ZHX2: variants seen among roughly 807,000 people sequenced by gnomAD.
ZHX2 encodes zinc fingers and homeoboxes 2.
ZHX2 carries 6 observed loss-of-function variants against 21.9 expected under a neutral mutation model. That is an observed-to-expected ratio of 0.27 (90% confidence interval 0.15 to 0.54). ZHX2 has a LOEUF of 0.54. Among genes scored for constraint, ZHX2 ranks in the 20% least tolerant of loss-of-function variants. The probability of loss-of-function intolerance (pLI) is 0.95; values close to 1 mark genes in which losing one functional copy is unlikely to be tolerated. For missense variants in ZHX2, 908 were observed against 1,090.7 expected (o/e 0.83, Z 2.36); for synonymous variants, 434 against 437.1 (o/e 0.99, Z 0.09).
At position 122,919,003 on chromosome 8, in the gene ZHX2, A is replaced by T. The variant is rs79378803; in HGVS notation, c.-219-32289A>T. Among the ~76,000 whole-genome samples the T allele has an allele frequency of 2.6e-5, 4 of 152,010 alleles. 1 individual carries two copies. Among genetic ancestry groups the T allele is most frequent in the Admixed American group, 2.6e-4 (4 of 15,268 alleles). On this transcript the variant is annotated intron_variant, in intron 2 of 3. Coordinates refer to ENST00000314393, the MANE Select transcript of ZHX2 (RefSeq NM_014943.5). ...ACAGGAGACAGGCCATAGTTTGCCA[A>T]CCCCTGTCCCAAACTGTTCTCCCAC...
intron 2 of ZHX2, among the ~76,000 whole-genome samples, chr8:122,904,075 C>T (rs997426298): frequency 6.6e-6 from 1 of 152,066 alleles, no homozygotes. Context: ...TGTTTCTTTT[C>T]TTTGTTTGGC....
intron 1 of ZHX2, among the ~76,000 whole-genome samples, chr8:122,819,083 G>A (rs916477557): frequency 1.3e-5 from 2 of 152,218 alleles, no homozygotes; most frequent in Non-Finnish European, 2.9e-5. Flanking sequence ...GCCTCCATCT[G>A]CAAGGAGCTG....
intron 2 of ZHX2, among the ~76,000 whole-genome samples, chr8:122,934,072 A>C (rs1047769784): frequency 6.6e-6 from 1 of 152,196 alleles, no homozygotes; most frequent in Non-Finnish European, 1.5e-5. Flanking sequence ...CATTTATTGC[A>C]CGTTTGCAGG....
In ZHX2 at chr8:122,782,709, G is replaced by C. The variant is rs1817316719; in HGVS notation, c.-283+763G>C. ...CGGCGCTGTCCTCACCCCCGCTCAG[G>C]TGCAGGGGGAGTCCGCGCGGGGCGG... On this transcript the variant is annotated intron_variant, in intron 1 of 3. Coordinates refer to ENST00000314393, the MANE Select transcript of ZHX2 (RefSeq NM_014943.5). This position sits in a 1 kb window ranked among gnomAD's most constrained non-coding sequence, Gnocchi z 5.3. Among the ~76,000 whole-genome samples, 1 of 152,048 alleles carries C rather than the reference G, an allele frequency of 6.6e-6. No homozygotes were observed. The highest frequency in any genetic ancestry group is 2.1e-4 in the South Asian group (1 of 4,836).
chr8:122,797,980 C>T (rs118047381), intron 1 of ZHX2, among the ~76,000 whole-genome samples: 3,261 of 152,254 alleles, frequency 0.021, 56 homozygotes, highest in South Asian at 0.046. Flanking sequence ...CCAACTCCTC[C>T]GGGAGGGCGT....
rs1198931426 is a variant in ZHX2, at chr8:122,782,187, G to A, written c.-283+241G>A. ...GAAATGAGCGGATACAGAGAGGGAA[G>A]AAGATTTTTTTTTTAAGAGTTTTGA... On this transcript the variant is annotated intron_variant, in intron 1 of 3. Coordinates refer to ENST00000314393, the MANE Select transcript of ZHX2 (RefSeq NM_014943.5). This position sits in a 1 kb window ranked among gnomAD's most constrained non-coding sequence, Gnocchi z 5.3. 2.6e-5 allele frequency among the ~76,000 whole-genome samples: 4 copies of A among 151,832 alleles called. No individual in the cohort carries two copies. Among genetic ancestry groups the A allele is most frequent in the Non-Finnish European group, 5.9e-5 (4 of 67,988 alleles).
intron 2 of ZHX2, among the ~76,000 whole-genome samples, chr8:122,903,835 C>T (rs1820286961): frequency 6.6e-6 from 1 of 152,092 alleles, no homozygotes; most frequent in Admixed American, 6.5e-5. Context: ...AATGGGGCTT[C>T]AGTAGGACTG....
chr8:122,861,134 G>C (rs1819158012), intron 1 of ZHX2, among the ~76,000 whole-genome samples: 1 of 150,112 alleles, frequency 6.7e-6, no homozygotes, highest in Non-Finnish European at 1.5e-5. Flanking sequence ...ACTCTTCTAA[G>C]ACAGCACATG....
chr8:122,961,954 C>A lies in ZHX2; in HGVS notation c.*4+7926C>A, dbSNP rs960006339. On this transcript the variant is annotated intron_variant, in intron 3 of 3. Transcript: ENST00000314393. ...CCTGCTTCTTGCCTTTCCAAGTTGA[C>A]CTTTTCTGTTGGGGCCCCACATGTT... 3.9e-5 allele frequency among the ~76,000 whole-genome samples: 6 copies of A among 152,236 alleles called. No individual in the cohort carries two copies. The East Asian group carries it at 1.2e-3, about 29-fold the overall frequency.
intron 2 of ZHX2, among the ~76,000 whole-genome samples, chr8:122,880,629 G>A (rs1819690527): frequency 6.6e-6 from 1 of 151,936 alleles, no homozygotes. Flanking sequence ...ACAAAAATTA[G>A]CCAGGCACAG....
chr8:122,786,983 C>G (rs980417400), intron 1 of ZHX2, among the ~76,000 whole-genome samples: 1 of 151,664 alleles, frequency 6.6e-6, no homozygotes, highest in African/African-American at 2.4e-5. Flanking sequence ...TCTCTAATGC[C>G]CCCACCCTAC....
intron 1 of ZHX2, among the ~76,000 whole-genome samples, chr8:122,804,578 T>G (rs1817788428): frequency 6.6e-6 from 1 of 152,108 alleles, no homozygotes; most frequent in Non-Finnish European, 1.5e-5. Context: ...GCCCATGTAG[T>G]GAAAGAATTG....
intron 1 of ZHX2, among the ~76,000 whole-genome samples, chr8:122,831,364 G>A (rs1441478733): frequency 6.6e-6 from 1 of 152,222 alleles, no homozygotes; most frequent in African/African-American, 2.4e-5. Flanking sequence ...GGCTGGAAAG[G>A]TGAGGACAAG....
At chr8:122,928,420 A>T (rs1820905818) in intron 2 of ZHX2, among the ~76,000 whole-genome samples, 1 of 152,190 alleles carries the variant, frequency 6.6e-6, no homozygotes, top group Admixed American at 6.5e-5. Flanking sequence ...AGGGGGCAGA[A>T]TGTTCAGGGA....
chr8:122,861,661 A>C (rs1297963830), intron 1 of ZHX2, among the ~76,000 whole-genome samples: 1 of 152,098 alleles, frequency 6.6e-6, no homozygotes, highest in African/African-American at 2.4e-5. Flanking sequence ...TACTGGTTGT[A>C]CCTCTGGGCT....
chr8:122,948,079 G>T (rs373255040), intron 2 of ZHX2, among the ~76,000 whole-genome samples: 1 of 152,210 alleles, frequency 6.6e-6, no homozygotes, highest in East Asian at 1.9e-4. Context: ...GAGGGGCCAG[G>T]TTCTGGGTTC....
chr8:122,875,058 C>T (rs1313803045), intron 2 of ZHX2, among the ~76,000 whole-genome samples: 1 of 148,530 alleles, frequency 6.7e-6, no homozygotes, highest in Non-Finnish European at 1.5e-5. Context: ...TAAAGTCAAA[C>T]AAATTCCTGG....
chr8:122,881,035 C>T (rs1211617909), intron 2 of ZHX2, among the ~76,000 whole-genome samples: 1 of 152,130 alleles, frequency 6.6e-6, no homozygotes, highest in Non-Finnish European at 1.5e-5. Context: ...ATCATCTCTC[C>T]AAGTCCCAAC....
chr8:122,917,248 C>A (rs1196313641), intron 2 of ZHX2, among the ~76,000 whole-genome samples: 3 of 152,096 alleles, frequency 2.0e-5, no homozygotes, highest in Non-Finnish European at 4.4e-5. Context: ...GGGAGCATTG[C>A]AGGTGTTCTT....
Sources: allele counts gnomAD v4.1 joint callset (sites outside exome capture counted in the v4.1 genomes callset), GRCh38; gene constraint gnomAD v4.1.1; non-coding constraint Gnocchi (gnomAD v3.1); transcripts MANE v1.5; gene names NCBI Gene and HGNC (gene_info 2026-07-23, HGNC 2026-07-21).